Variants in PRKN observed in about 807,000 individuals in gnomAD.
PRKN encodes the protein parkin RBR E3 ubiquitin protein ligase.
In PRKN, 56 loss-of-function variants were observed where a neutral mutation model predicts 59.5. The ratio of observed to expected loss-of-function variants is 0.94; its 90% CI spans 0.76 to 1.18. The LOEUF (loss-of-function observed/expected upper bound fraction) is 1.18. Ranked by LOEUF, PRKN falls within the 50% of genes most tolerant of loss-of-function variation. The pLI, the probability that PRKN is intolerant of heterozygous loss-of-function variation, is 0.00. For synonymous variants in PRKN, 250 were observed against 222.1 expected (o/e 1.13, Z -1.12); for missense variants, 657 against 596.4 (o/e 1.10, Z -1.06).
Position 162,170,729 on chromosome 6 carries a change from C to T in PRKN, c.534+30402G>A, listed in dbSNP as rs548141215. On this transcript the variant is annotated intron_variant, in intron 4 of 11. Transcript: ENST00000366898. ...TTAATGCTGGAAACAACGTTAGTGA[C>T]AGTTCTTCTGTGCTTATCACATGCC... Among the ~76,000 whole-genome samples the T allele has an allele frequency of 7.9e-5, 12 of 152,242 alleles. No individual in the cohort carries two copies. The East Asian group carries it at 1.4e-3, about 17-fold the overall frequency.
chr6:162,432,373 A>T (rs2128163639), intron 2 of PRKN, among the ~76,000 whole-genome samples: 1 of 152,180 alleles, frequency 6.6e-6, no homozygotes, highest in Admixed American at 6.5e-5. Flanking sequence ...TAAAAATACA[A>T]AAATTAGCTG....
chr6:162,691,036 T>A (rs1450734403), intron 1 of PRKN, among the ~76,000 whole-genome samples: 2 of 152,180 alleles, frequency 1.3e-5, no homozygotes, highest in Non-Finnish European at 2.9e-5. Flanking sequence ...CAATTTTTTA[T>A]CTGAGGTGTT....
chr6:161,936,655 C>T (rs1025167863), intron 6 of PRKN, among the ~76,000 whole-genome samples: 1 of 152,138 alleles, frequency 6.6e-6, no homozygotes, highest in Non-Finnish European at 1.5e-5. Flanking sequence ...ACCAGAGACT[C>T]CTCCTGCACC....
At position 161,428,735 on chromosome 6, in the gene PRKN, T is replaced by TATC. The variant is rs1788508471; in HGVS notation, c.1084-41859_1084-41858insGAT. 2.0e-5 allele frequency among the ~76,000 whole-genome samples: 3 copies of TATC among 152,234 alleles called. No homozygotes were observed. Among genetic ancestry groups the TATC allele is most frequent in the Non-Finnish European group, 4.4e-5 (3 of 68,044 alleles). ...ACATTCACATTTTTTTTCTTTCATT[T>TATC]TTCTGCCTGAGTACCTCTACCTTGG... On this transcript the variant is annotated intron_variant, in intron 9 of 11. Coordinates refer to ENST00000366898, the MANE Select transcript of PRKN (RefSeq NM_004562.3). This position sits in a 1 kb window ranked among gnomAD's most constrained non-coding sequence, Gnocchi z 4.0.
Position 161,545,135 on chromosome 6 carries a change from C to A in PRKN, c.1083+3719G>T. The A allele has an allele frequency of 1.6e-6, 2 of 1,278,656 alleles. No homozygotes were observed. The highest frequency in any genetic ancestry group is 4.8e-5 in the South Asian group (2 of 41,520). 79.2% of individuals were successfully genotyped at this position (1,278,656 alleles called of 1,614,324 possible). On this transcript the variant is annotated intron_variant, in intron 9 of 11. Coordinates refer to ENST00000366898, the MANE Select transcript of PRKN (RefSeq NM_004562.3). This position sits in a 1 kb window ranked among gnomAD's most constrained non-coding sequence, Gnocchi z 4.1. Reference sequence around the variant, plus strand: ...GAATTTGGTTTTCAACTTTTTTATACGCGATTTTTTTTGTAACAGCTAACA... The same window carrying A: ...GAATTTGGTTTTCAACTTTTTTATAAGCGATTTTTTTTGTAACAGCTAACA...
intron 1 of PRKN, chr6:162,727,383 C>T (rs1012561928): frequency 4.3e-5 from 20 of 462,742 alleles, no homozygotes; most frequent in Non-Finnish European, 6.8e-5. Context: ...GAACGAGGAG[C>T]GGGGGTGCGG....
At chr6:162,613,091 C>A (rs1782261706) in intron 1 of PRKN, among the ~76,000 whole-genome samples, 1 of 152,144 alleles carries the variant, frequency 6.6e-6, no homozygotes, top group African/African-American at 2.4e-5. Context: ...TTCCACTTTA[C>A]AGATTAATAA....
chr6:162,350,363 A>G (rs1263330016), intron 2 of PRKN, among the ~76,000 whole-genome samples: 1 of 152,212 alleles, frequency 6.6e-6, no homozygotes, highest in African/African-American at 2.4e-5. Context: ...GTGATTCTAA[A>G]TTTTATAGAG....
intron 2 of PRKN, among the ~76,000 whole-genome samples, chr6:162,375,634 T>C (rs867142606): frequency 2.0e-5 from 3 of 151,998 alleles, no homozygotes; most frequent in African/African-American, 4.8e-5. Context: ...AGAACACTTA[T>C]GGTCCTATGA....
At chr6:161,662,239 C>T (rs374207973) in intron 7 of PRKN, among the ~76,000 whole-genome samples, 15 of 152,160 alleles carry the variant, frequency 9.9e-5, no homozygotes, top group South Asian at 4.1e-4. Context: ...TGCTATTTTG[C>T]GATGAGATTT....
chr6:162,454,592 G>GT (rs1321212691), intron 1 of PRKN, among the ~76,000 whole-genome samples: 6 of 152,210 alleles, frequency 3.9e-5, no homozygotes, highest in African/African-American at 1.4e-4. Flanking sequence ...CTCTGTGTCA[G>GT]TGGCTTTCAC....
At chr6:162,627,776 A>G (rs1353695461) in intron 1 of PRKN, among the ~76,000 whole-genome samples, 1 of 152,200 alleles carries the variant, frequency 6.6e-6, no homozygotes, top group Non-Finnish European at 1.5e-5. Context: ...ACCAATAACA[A>G]TGGAGCAACT....
intron 6 of PRKN, among the ~76,000 whole-genome samples, chr6:161,835,852 G>T (rs897304725): frequency 6.6e-6 from 1 of 152,196 alleles, no homozygotes; most frequent in Admixed American, 6.5e-5. Flanking sequence ...TGGTGGAAGT[G>T]TTCATTGCAG....
chr6:162,211,671 A>T (rs571417624), intron 3 of PRKN, among the ~76,000 whole-genome samples: 1 of 152,320 alleles, frequency 6.6e-6, no homozygotes, highest in East Asian at 1.9e-4. Context: ...CAATATAATT[A>T]GTTTTGTATA....
intron 1 of PRKN, among the ~76,000 whole-genome samples, chr6:162,464,981 T>A (rs1229748268): frequency 6.6e-6 from 1 of 152,156 alleles, no homozygotes; most frequent in East Asian, 1.9e-4. Context: ...GGCGATCTCA[T>A]GGCTGTGATG....
rs1478179905 is a variant in PRKN at position 161,396,988 on chromosome 6, G to A, written c.1084-10111C>T. 6.6e-6 allele frequency among the ~76,000 whole-genome samples: 1 copy of A among 152,184 alleles called. No individual in the cohort carries two copies. On this transcript the variant is annotated intron_variant, in intron 9 of 11. Coordinates refer to ENST00000366898, the MANE Select transcript of PRKN (RefSeq NM_004562.3). This position sits in a 1 kb window ranked among gnomAD's most constrained non-coding sequence, Gnocchi z 5.4. Reference sequence around the variant, plus strand: ...TTAACCCTTTATTGTATGTTGAGCAGTCTCATAGGTGCCCTGCAGGTATAC... The same window carrying A: ...TTAACCCTTTATTGTATGTTGAGCAATCTCATAGGTGCCCTGCAGGTATAC...
chr6:161,359,478 G>A lies in PRKN; in HGVS notation c.1285+610C>T, dbSNP rs184790710. On this transcript the variant is annotated intron_variant, in intron 11 of 11. Transcript: ENST00000366898. The surrounding 1 kb of genome is among the most constrained non-coding windows in gnomAD (Gnocchi z 5.4). The stretch of plus-strand genomic sequence containing the variant: ...CGTGTCATTGCTCATCTGTGATGGT[G>A]CCGCTGACTCTGCCTTGCACACGTA... Among the ~76,000 whole-genome samples the A allele has an allele frequency of 2.0e-5, 3 of 152,322 alleles. No individual in the cohort carries two copies. The highest frequency in any genetic ancestry group is 3.9e-4 in the East Asian group (2 of 5,170).
chr6:162,264,321 C>A (rs1032482076), intron 2 of PRKN, among the ~76,000 whole-genome samples: 1 of 151,968 alleles, frequency 6.6e-6, no homozygotes, highest in African/African-American at 2.4e-5. Flanking sequence ...TAAACCAATG[C>A]CTTTCAAATA....
rs1263554655 is a variant in PRKN at position 161,357,084 on chromosome 6, C to T, written c.1285+3004G>A. 1.6e-5 allele frequency among the ~76,000 whole-genome samples: 2 copies of T among 128,462 alleles called. No homozygotes were observed. Among genetic ancestry groups the T allele is most frequent in the Non-Finnish European group, 1.6e-5 (1 of 63,884 alleles). The allele number at this position is 128,462 out of a possible 152,430, so 84.3% of individuals were successfully genotyped here. A position where few individuals can be genotyped will look rare whatever the true frequency, so the allele number is the denominator to read the frequency against. On this transcript the variant is annotated intron_variant, in intron 11 of 11. Coordinates refer to ENST00000366898, the MANE Select transcript of PRKN (RefSeq NM_004562.3). The surrounding 1 kb of genome is among the most constrained non-coding windows in gnomAD (Gnocchi z 5.5). ...TTTTTTTTTTTGAGACAGAGTCTTG[C>T]TCTGTCACTCAGGCTGGAGTGCAAT...
Sources: allele counts gnomAD v4.1 joint callset (sites outside exome capture counted in the v4.1 genomes callset), GRCh38; gene constraint gnomAD v4.1.1; non-coding constraint Gnocchi (gnomAD v3.1); transcripts MANE v1.5; gene names NCBI Gene and HGNC (gene_info 2026-07-23, HGNC 2026-07-21).